NRXN3: variants seen among roughly 807,000 people sequenced by gnomAD.
NRXN3 encodes the protein neurexin 3.
Under a neutral mutation model 137.6 loss-of-function variants are expected in NRXN3, and 32 were observed. That is an observed-to-expected ratio of 0.23 (90% CI 0.18 to 0.31). The LOEUF (loss-of-function observed/expected upper bound fraction) is 0.31. NRXN3 is among the 10% of genes least tolerant of loss of function. The probability of loss-of-function intolerance (pLI) is 1.00; values close to 1 mark genes in which losing one functional copy is unlikely to be tolerated. For missense variants in NRXN3, 1,574 were observed against 2,062.5 expected, an observed-to-expected ratio of 0.76 and a Z score of 4.59; for synonymous variants, 798 against 784.5, an observed-to-expected ratio of 1.02 and a Z score of -0.29.
At chr14:78,229,277 C>CTT (rs80311138) in intron 1 of NRXN3, among the ~76,000 whole-genome samples, 1 of 142,208 alleles carries the variant, frequency 7.0e-6, no homozygotes, top group Admixed American at 7.1e-5. Flanking sequence ...GGGTTTACTT[C>CTT]TTTTTTTTTT....
At chr14:78,314,942 TCTTCCTTCCTTC>T (rs1174374621) in intron 4 of NRXN3, among the ~76,000 whole-genome samples, 7 of 60,582 alleles carry the variant, frequency 1.2e-4, no homozygotes, top group Non-Finnish European at 1.6e-4. Flanking sequence ...TTTCTTTCTT[TCTTCCTTCCTTC>T]CTTCCTTCCT....
intron 10 of NRXN3, among the ~76,000 whole-genome samples, chr14:78,923,173 G>A (rs1032364668): frequency 2.0e-5 from 3 of 152,196 alleles, no homozygotes; most frequent in African/African-American, 7.2e-5. Flanking sequence ...CCTTCTCATG[G>A]TTGAGCACAC....
intron 15 of NRXN3, among the ~76,000 whole-genome samples, chr14:79,059,297 G>A (rs562841263): frequency 2.3e-4 from 26 of 112,650 alleles, no homozygotes; most frequent in Admixed American, 1.7e-3. Flanking sequence ...TCACTCTGTC[G>A]CCCAGGCTGG....
chr14:79,398,135 C>T (rs1451328880), intron 15 of NRXN3, among the ~76,000 whole-genome samples: 1 of 152,142 alleles, frequency 6.6e-6, no homozygotes, highest in East Asian at 1.9e-4. Context: ...TATACTCTTG[C>T]CATCCACCCG....
intron 15 of NRXN3, among the ~76,000 whole-genome samples, chr14:79,021,590 A>T (rs1346502731): frequency 6.6e-6 from 1 of 152,152 alleles, no homozygotes; most frequent in Non-Finnish European, 1.5e-5. Flanking sequence ...TCAAGAGCTC[A>T]CAATCTAGTG....
chr14:79,076,719 G>A lies in NRXN3; in HGVS notation c.3262+88578G>A, dbSNP rs538808727. Among the ~76,000 whole-genome samples the A allele has an allele frequency of 3.3e-5, 5 of 152,280 alleles. No individual in the cohort carries two copies. In the South Asian group the frequency reaches 1.0e-3, roughly 32 times the overall value. On this transcript the variant is annotated intron_variant, in intron 15 of 20. Transcript: ENST00000335750. ...ATTTAAGGGGAGGGAATAATCAAGG[G>A]TATGAATACCAGGAGGCTGAGACAG...
intron 10 of NRXN3, among the ~76,000 whole-genome samples, chr14:78,948,096 C>G (rs550473649): frequency 8.5e-5 from 13 of 152,240 alleles, no homozygotes; most frequent in African/African-American, 2.9e-4. Context: ...AAGCCTGAGA[C>G]AAAGACTTGG....
At chr14:79,129,238 C>G (rs1487564747) in intron 15 of NRXN3, among the ~76,000 whole-genome samples, 1 of 150,416 alleles carries the variant, frequency 6.6e-6, no homozygotes, top group East Asian at 2.0e-4. Context: ...TGTGTTTGCT[C>G]TTGCTTTTCT....
At chr14:79,768,575 T>C (rs1035391077) in intron 19 of NRXN3, among the ~76,000 whole-genome samples, 2 of 152,044 alleles carry the variant, frequency 1.3e-5, no homozygotes, top group African/African-American at 4.8e-5. Flanking sequence ...GTCTGTTAGA[T>C]GGAAAACTAA....
At chr14:79,635,117 G>A (rs2098393590) in intron 16 of NRXN3, among the ~76,000 whole-genome samples, 1 of 152,204 alleles carries the variant, frequency 6.6e-6, no homozygotes, top group African/African-American at 2.4e-5. Context: ...AGAGGTGATA[G>A]ATATGCTAAT....
chr14:79,768,123 C>A (rs1001929343), intron 19 of NRXN3, among the ~76,000 whole-genome samples: 2 of 152,202 alleles, frequency 1.3e-5, no homozygotes, highest in Admixed American at 6.5e-5. Flanking sequence ...GAGGGTCCTA[C>A]GCCCACGGAG....
At chr14:79,044,414 C>T (rs1251039823) in intron 15 of NRXN3, among the ~76,000 whole-genome samples, 2 of 152,054 alleles carry the variant, frequency 1.3e-5, no homozygotes, top group African/African-American at 4.8e-5. Flanking sequence ...AAAAGTTAGA[C>T]CTTTACAGTC....
intron 4 of NRXN3, among the ~76,000 whole-genome samples, chr14:78,455,899 A>G (rs774585140): frequency 6.6e-6 from 1 of 152,080 alleles, no homozygotes; most frequent in Non-Finnish European, 1.5e-5. Context: ...CTCTCTAAAT[A>G]TTATTCCTCT....
intron 1 of NRXN3, among the ~76,000 whole-genome samples, chr14:78,181,371 C>T (rs982067429): frequency 6.6e-6 from 1 of 151,012 alleles, no homozygotes; most frequent in African/African-American, 2.4e-5. Flanking sequence ...AGCCCCGGGT[C>T]TCCTTTGTTC....
At chr14:78,957,401 C>CAT (rs1160978) in intron 11 of NRXN3, 40 bp downstream of exon 11, 279,977 of 1,601,378 alleles carry the variant, frequency 0.17, 37,339 homozygotes, top group African/African-American at 0.66. Flanking sequence ...TCTTTTCTCT[C>CAT]AGTCCTCTCA....
At chr14:79,347,815 T>A (rs1159186383) in intron 15 of NRXN3, among the ~76,000 whole-genome samples, 6 of 152,236 alleles carry the variant, frequency 3.9e-5, no homozygotes, top group Non-Finnish European at 5.9e-5. Flanking sequence ...ACTAAAAATA[T>A]GACATCTACC....
chr14:78,307,483 T>C (rs1177677704), intron 4 of NRXN3, among the ~76,000 whole-genome samples: 1 of 152,110 alleles, frequency 6.6e-6, no homozygotes, highest in Non-Finnish European at 1.5e-5. Context: ...ACCCAGGCAG[T>C]GTGGTTTTTC....
At chr14:79,206,440 G>T (rs760559589) in intron 15 of NRXN3, among the ~76,000 whole-genome samples, 1 of 152,176 alleles carries the variant, frequency 6.6e-6, no homozygotes, top group Non-Finnish European at 1.5e-5. Flanking sequence ...CTGTGTGTCA[G>T]TGACAAGGGT....
At chr14:78,769,753 G>GACAT (rs894816260) in intron 8 of NRXN3, among the ~76,000 whole-genome samples, 22 of 152,338 alleles carry the variant, frequency 1.4e-4, no homozygotes, top group African/African-American at 5.1e-4. Context: ...CTAGAAAAGG[G>GACAT]ACATATTGAT....
Sources: gnomAD v4.1 joint callset for allele counts (sites outside exome capture counted in the v4.1 genomes callset) on GRCh38, gnomAD v4.1.1 for gene constraint, MANE v1.5 for transcripts, NCBI Gene and HGNC (gene_info 2026-07-23, HGNC 2026-07-21) for gene names.